BANP: variants seen among roughly 807,000 people sequenced by gnomAD.
The protein encoded by BANP is protein BANP.
A neutral mutation model predicts 68.1 loss-of-function variants in BANP; 11 were observed. That is an observed-to-expected ratio of 0.16 (90% CI 0.10 to 0.27). The LOEUF (loss-of-function observed/expected upper bound fraction) is 0.27, where lower values mean the gene tolerates loss of function less well. BANP is among the 10% of genes least tolerant of loss of function. BANP has a pLI of 1.00. For missense variants in BANP, 504 were observed against 722.7 expected (o/e 0.70, Z 3.47); for synonymous variants, 329 against 303.2 (o/e 1.09, Z -0.88).
At chr16:88,019,845 G>A (rs2075649181) in intron 7 of BANP, among the ~76,000 whole-genome samples, 1 of 152,304 alleles carries the variant, frequency 6.6e-6, no homozygotes, top group South Asian at 2.1e-4. Flanking sequence ...CCGCTGTTCC[G>A]TAGCTGCTGT....
intron 11 of BANP, among the ~76,000 whole-genome samples, chr16:88,051,880 C>T (rs1011250112): frequency 1.8e-4 from 28 of 152,160 alleles, no homozygotes; most frequent in Non-Finnish European, 3.2e-4. Flanking sequence ...TATGCCATTT[C>T]TGTGGTATCG....
At chr16:87,996,767 T>C (rs2067370083) in intron 4 of BANP, among the ~76,000 whole-genome samples, 1 of 152,246 alleles carries the variant, frequency 6.6e-6, no homozygotes, top group South Asian at 2.1e-4. Context: ...CACTGAACCA[T>C]TGCATAGGTT....
intron 1 of BANP, chr16:87,952,859 C>G (rs916381965): frequency 6.6e-6 from 1 of 152,206 alleles, no homozygotes; most frequent in East Asian, 1.9e-4. Flanking sequence ...ACTGCAGCCT[C>G]GGCCTCCCTG....
chr16:88,044,424 AC>A (rs1168346719), intron 11 of BANP, among the ~76,000 whole-genome samples: 2 of 152,252 alleles, frequency 1.3e-5, no homozygotes, highest in African/African-American at 4.8e-5. Flanking sequence ...GAACAGGTCC[AC>A]AGAACGGTAT....
intron 2 of BANP, among the ~76,000 whole-genome samples, chr16:87,976,512 TA>T: frequency 7.6e-6 from 1 of 132,122 alleles, no homozygotes; most frequent in African/African-American, 2.9e-5. Flanking sequence ...GTATATGTTT[TA>T]TTGTTCTGTT....
In BANP at chr16:88,057,670, C is replaced by T. The variant is rs2085437344; in HGVS notation, c.1312-7597C>T. Among the ~76,000 whole-genome samples, 2 of 146,760 alleles carry T rather than the reference C, an allele frequency of 1.4e-5. No homozygotes were observed. The highest frequency in any genetic ancestry group is 2.5e-5 in the African/African-American group (1 of 40,030). ...GGCAATGTTTGGGTCCTGGTTCTTA[C>T]ATCCCAGAAGGGAAGTTGCGGCACT... On this transcript the variant is annotated intron_variant, in intron 11 of 13. Coordinates refer to ENST00000682872, the MANE Select transcript of BANP (RefSeq NM_001386991.1). This position sits in a 1 kb window ranked among gnomAD's most constrained non-coding sequence, Gnocchi z 4.6.
chr16:87,995,374 G>A (rs1253445072), intron 4 of BANP, among the ~76,000 whole-genome samples: 2 of 152,348 alleles, frequency 1.3e-5, no homozygotes, highest in East Asian at 3.8e-4. Context: ...CCCGGTCCTT[G>A]TGTGTTATGT....
At chr16:88,065,546 G>T (rs1210281337) in intron 12 of BANP, among the ~76,000 whole-genome samples, 2 of 152,214 alleles carry the variant, frequency 1.3e-5, no homozygotes, top group Non-Finnish European at 2.9e-5. Flanking sequence ...GTGTCTTTGT[G>T]GGGTGGGTAG....
At chr16:88,001,904 C>T (rs935348409) in intron 4 of BANP, among the ~76,000 whole-genome samples, 10 of 127,062 alleles carry the variant, frequency 7.9e-5, no homozygotes, top group African/African-American at 2.1e-4. Flanking sequence ...ACCATAAGGC[C>T]CTAAGTGCTA....
intron 13 of BANP, among the ~76,000 whole-genome samples, chr16:88,073,008 C>G (rs4072871): frequency 6.6e-6 from 1 of 152,102 alleles, no homozygotes; most frequent in Non-Finnish European, 1.5e-5. Context: ...TGGTGATCCA[C>G]CTGTGTCTTG....
chr16:88,038,092 AGG>A, intron 11 of BANP, 81 bp downstream of exon 11: 1 of 1,184,500 alleles, frequency 8.4e-7, no homozygotes, highest in South Asian at 1.2e-5. Flanking sequence ...TGGGACGGTC[AGG>A]TGAGTGCCCT....
At chr16:87,986,550 C>T (rs532279165) in intron 4 of BANP, among the ~76,000 whole-genome samples, 2 of 140,780 alleles carry the variant, frequency 1.4e-5, no homozygotes, top group African/African-American at 5.1e-5. Context: ...CATTCATTCC[C>T]ATCTGAGTTT....
chr16:87,985,227 C>G (rs369646900), intron 4 of BANP, among the ~76,000 whole-genome samples: 1 of 152,094 alleles, frequency 6.6e-6, no homozygotes, highest in African/African-American at 2.4e-5. Context: ...AGCAGTGGTG[C>G]CTCTTTGAAC....
intron 4 of BANP, among the ~76,000 whole-genome samples, chr16:87,997,933 TC>T (rs1439807979): frequency 6.6e-6 from 1 of 152,216 alleles, no homozygotes; most frequent in Admixed American, 6.5e-5. Context: ...GTTTAGCACT[TC>T]CTGGTGGAAT....
intron 11 of BANP, among the ~76,000 whole-genome samples, chr16:88,056,240 C>G (rs1044087721): frequency 5.9e-5 from 9 of 152,236 alleles, no homozygotes; most frequent in African/African-American, 2.2e-4. Context: ...CTCTCTGCTT[C>G]TTTGCTTCTT....
intron 7 of BANP, among the ~76,000 whole-genome samples, chr16:88,027,016 A>T (rs1310039431): frequency 6.6e-6 from 1 of 152,218 alleles, no homozygotes; most frequent in Non-Finnish European, 1.5e-5. Context: ...GAAGGAAGGG[A>T]AGGCGGTGGC....
chr16:88,073,734 C>G (rs1344587105), intron 13 of BANP, among the ~76,000 whole-genome samples: 2 of 152,218 alleles, frequency 1.3e-5, no homozygotes, highest in Non-Finnish European at 2.9e-5. Flanking sequence ...GGTCCGCGCC[C>G]AGGAAACTAG....
rs2091698024 is a variant in BANP, at chr16:88,076,812, C to G, written c.*151C>G. ...CGCTGCCTCCGCGGGGAACAGCATC[C>G]TATCAACTGAAAGAGCAGCCGCCGC... On this transcript the variant is annotated 3_prime_UTR_variant, in exon 14 of 14. Transcript: ENST00000682872. 1 of 651,128 alleles carries G rather than the reference C, an allele frequency of 1.5e-6. No individual in the cohort carries two copies. The highest frequency in any genetic ancestry group is 2.5e-6 in the Non-Finnish European group (1 of 392,678). The allele number at this position is 651,128 out of a possible 1,614,324, so 40.3% of individuals were successfully genotyped here.
intron 1 of BANP, among the ~76,000 whole-genome samples, chr16:87,953,428 C>T (rs1044378620): frequency 6.6e-6 from 1 of 152,086 alleles, no homozygotes; most frequent in African/African-American, 2.4e-5. Context: ...AGGCCGTACT[C>T]GAACTCCTGA....
Sources: gnomAD v4.1 joint callset for allele counts (sites outside exome capture counted in the v4.1 genomes callset) on GRCh38, gnomAD v4.1.1 for gene constraint, Gnocchi (gnomAD v3.1) non-coding constraint, MANE v1.5 for transcripts, NCBI Gene and HGNC (gene_info 2026-07-23, HGNC 2026-07-21) for gene names.